GRXCR2: variants seen among roughly 807,000 people sequenced by gnomAD.
GRXCR2 encodes the protein glutaredoxin domain-containing cysteine-rich protein 2.
A neutral mutation model predicts 24.8 loss-of-function variants in GRXCR2; 23 were observed. The ratio of observed to expected loss-of-function variants is 0.93; its 90% CI spans 0.67 to 1.32. The LOEUF (loss-of-function observed/expected upper bound fraction) is 1.32. Among genes scored for constraint, GRXCR2 ranks in the 40% most tolerant of loss-of-function variants. The pLI is 0.00. For missense variants in GRXCR2, 315 were observed against 303.4 expected (o/e 1.04, Z -0.28); for synonymous variants, 130 against 116.1 (o/e 1.12, Z -0.77).
chr5:145,919,474 C>T (rs553991058), intron 2 of GRXCR2, among the ~76,000 whole-genome samples: 1 of 152,260 alleles, frequency 6.6e-6, no homozygotes, highest in East Asian at 1.9e-4. Context: ...TGACCCCAGC[C>T]CCTCCATTCT....
intron 2 of GRXCR2, among the ~76,000 whole-genome samples, chr5:145,913,848 T>A (rs1757198197): frequency 1.3e-5 from 2 of 151,880 alleles, no homozygotes; most frequent in South Asian, 2.1e-4. Flanking sequence ...TTTAAAAAAA[T>A]AAAATAAAAT....
chr5:145,888,714 CCTT>C (rs1208710635), intron 2 of GRXCR2, among the ~76,000 whole-genome samples: 1 of 152,018 alleles, frequency 6.6e-6, no homozygotes, highest in African/African-American at 2.4e-5. Context: ...TAGAATATGT[CCTT>C]CTCAACATTT....
At chr5:145,914,527 T>C (rs1015306014) in intron 2 of GRXCR2, among the ~76,000 whole-genome samples, 6 of 151,574 alleles carry the variant, frequency 4.0e-5, no homozygotes, top group African/African-American at 1.5e-4. Context: ...AATACAAAAA[T>C]TAACCAGGCG....
intron 2 of GRXCR2, among the ~76,000 whole-genome samples, chr5:145,910,168 C>T (rs749912357): frequency 1.3e-5 from 2 of 152,172 alleles, no homozygotes; most frequent in Non-Finnish European, 2.9e-5. Context: ...AAAATGCCAA[C>T]TGAATTCATT....
intron 2 of GRXCR2, among the ~76,000 whole-genome samples, chr5:145,893,865 T>C (rs938205047): frequency 3.9e-5 from 6 of 152,140 alleles, no homozygotes; most frequent in South Asian, 4.1e-4. Flanking sequence ...TATTCCAAAA[T>C]TGACCACATA....
chr5:145,917,214 T>C (rs902657416), intron 2 of GRXCR2, among the ~76,000 whole-genome samples: 1 of 151,862 alleles, frequency 6.6e-6, no homozygotes, highest in African/African-American at 2.4e-5. Flanking sequence ...GAGATTAATT[T>C]GCAAGTCTTC....
At chr5:145,885,826 C>G (rs1387255258) in intron 2 of GRXCR2, among the ~76,000 whole-genome samples, 1 of 152,134 alleles carries the variant, frequency 6.6e-6, no homozygotes, top group Non-Finnish European at 1.5e-5. Context: ...TAAAAATTCC[C>G]TCCACCTCCC....
At position 145,923,367 on chromosome 5, in the gene GRXCR2, G is replaced by A. The variant is rs1757352419; in HGVS notation, c.-70+12334C>T. Among the ~76,000 whole-genome samples the A allele has an allele frequency of 1.3e-5, 2 of 152,188 alleles. 1 individual carries two copies. The highest frequency in any genetic ancestry group is 4.8e-5 in the African/African-American group (2 of 41,444). On this transcript the variant is annotated intron_variant, in intron 2 of 3. Coordinates refer to the GRXCR2 transcript ENST00000639411. Reference sequence around the variant, plus strand: ...GCAAGAAAAAATGCAGCTAACAGATGACTGTATGCAATATATTTCTAAAGT... The same window carrying A: ...GCAAGAAAAAATGCAGCTAACAGATAACTGTATGCAATATATTTCTAAAGT...
chr5:145,870,320 C>A (rs1192263893), intron 1 of GRXCR2, among the ~76,000 whole-genome samples: 6 of 152,104 alleles, frequency 3.9e-5, no homozygotes, highest in Non-Finnish European at 7.4e-5. Context: ...CAAATAAGTG[C>A]AATCATACAG....
At chr5:145,917,062 C>T (rs1342403259) in intron 2 of GRXCR2, among the ~76,000 whole-genome samples, 2 of 142,400 alleles carry the variant, frequency 1.4e-5, no homozygotes, top group South Asian at 2.3e-4. Context: ...TCCTAAGCAT[C>T]TTTTTTTTTT....
chr5:145,905,886 A>G (rs1396518676), intron 2 of GRXCR2, among the ~76,000 whole-genome samples: 4 of 152,208 alleles, frequency 2.6e-5, no homozygotes, highest in African/African-American at 9.7e-5. Flanking sequence ...CAAGAATAGC[A>G]CATGGTCCAG....
At chr5:145,908,924 T>C (rs550107543) in intron 2 of GRXCR2, among the ~76,000 whole-genome samples, 7 of 152,328 alleles carry the variant, frequency 4.6e-5, no homozygotes, top group African/African-American at 1.7e-4. Flanking sequence ...CCAAGACTTC[T>C]GCATCTGGAA....
At chr5:145,871,579 T>C (rs775364338) in intron 1 of GRXCR2, among the ~76,000 whole-genome samples, 7 of 152,306 alleles carry the variant, frequency 4.6e-5, no homozygotes, top group Middle Eastern at 3.4e-3. Flanking sequence ...CGTCACCCCA[T>C]TAAGATAAGA....
intron 2 of GRXCR2, among the ~76,000 whole-genome samples, chr5:145,891,889 G>C (rs1302392245): frequency 6.6e-6 from 1 of 152,116 alleles, no homozygotes; most frequent in African/African-American, 2.4e-5. Flanking sequence ...CCCCCAGTAG[G>C]GGCAGATTGA....
At position 145,872,839 on chromosome 5, in the gene GRXCR2, A is replaced by T. The variant is rs570993833; in HGVS notation, c.130T>A (p.Ser44Thr). The change falls in exon 1 of 3, where the codon TCA (serine) becomes ACA (threonine). Residue 44 changes from serine to threonine, a missense_variant. By Grantham distance (58) the Ser-to-Thr change is moderately conservative (BLOSUM62 1). Coordinates refer to ENST00000377976, the MANE Select transcript of GRXCR2 (RefSeq NM_001080516.2). ...CTGTGAGGGTATTCCTCCTTTGGTG[A>T]CTCTAATTCCTGCCCATCCTCAAAG... ...QVFEDGQELE[S>T]PKEEYPHSFL... 2 of 1,614,016 alleles carry T rather than the reference A, an allele frequency of 1.2e-6. No individual in the cohort carries two copies. Among genetic ancestry groups the T allele is most frequent in the Non-Finnish European group, 8.5e-7 (1 of 1,179,986 alleles).
chr5:145,872,673 C>A lies in GRXCR2; in HGVS notation c.296G>T (p.Gly99Val), dbSNP rs765263616. ...REGNAYTLAG[G>V]QPRFNDYKAN... is the part of the protein sequence containing the mutation. Reference sequence around the variant, plus strand: ...CTTGTAATCGTTGAACCGAGGCTGGCCGCCTGCCAAGGTGTAGGCATTACC... The same window carrying A: ...CTTGTAATCGTTGAACCGAGGCTGGACGCCTGCCAAGGTGTAGGCATTACC... The change falls in exon 1 of 3, where the codon GGC becomes GTC. Residue 99 changes from glycine (G) to valine (V), a missense_variant. Transcript: ENST00000377976. The A allele has an allele frequency of 1.2e-6, 2 of 1,607,764 alleles. No individual in the cohort carries two copies. Among genetic ancestry groups the A allele is most frequent in the South Asian group, 2.2e-5 (2 of 90,802 alleles).
At chr5:145,863,120 G>T (rs1484622051) in intron 2 of GRXCR2, among the ~76,000 whole-genome samples, 1 of 152,110 alleles carries the variant, frequency 6.6e-6, no homozygotes, top group African/African-American at 2.4e-5. Context: ...CCACTTCTTT[G>T]ATAGTTAATA....
intron 2 of GRXCR2, among the ~76,000 whole-genome samples, chr5:145,881,361 T>A (rs1427918905): frequency 6.6e-6 from 1 of 152,118 alleles, no homozygotes; most frequent in Non-Finnish European, 1.5e-5. Flanking sequence ...TATGCAAAAA[T>A]CACAAGCATT....
intron 2 of GRXCR2, among the ~76,000 whole-genome samples, chr5:145,881,797 G>C (rs758972768): frequency 3.3e-5 from 5 of 152,150 alleles, no homozygotes; most frequent in African/African-American, 4.8e-5. Context: ...AACCAAAACA[G>C]CATGGTACTG....
Sources: allele counts gnomAD v4.1 joint callset (sites outside exome capture counted in the v4.1 genomes callset), GRCh38; gene constraint gnomAD v4.1.1; transcripts MANE v1.5; gene names NCBI Gene and HGNC (gene_info 2026-07-23, HGNC 2026-07-21).